ST3GAL1: variants seen among roughly 807,000 people sequenced by gnomAD.
ST3GAL1 encodes ST3 beta-galactoside alpha-2,3-sialyltransferase 1, also known as CMP-N-acetylneuraminate-beta-galactosamide-alpha-2,3-sialyltransferase 1.
In ST3GAL1, 16 loss-of-function variants were observed where a neutral mutation model predicts 34.1. That is an observed-to-expected ratio of 0.47 (90% CI 0.32 to 0.71). The LOEUF is 0.71. Among genes scored for constraint, ST3GAL1 ranks in the 30% least tolerant of loss-of-function variants. The pLI is 0.04. For missense variants in ST3GAL1, 353 were observed against 447.4 expected (o/e 0.79, Z 1.90); for synonymous variants, 191 against 184.7 (o/e 1.03, Z -0.28).
At chr8:133,536,624 G>C (rs72720270) in intron 2 of ST3GAL1, among the ~76,000 whole-genome samples, 3,265 of 152,288 alleles carry the variant, frequency 0.021, 61 homozygotes, top group Non-Finnish European at 0.033. Flanking sequence ...CCTGGCTCCT[G>C]TTCCTGCAGC....
chr8:133,505,911 A>C (rs1054676104), intron 2 of ST3GAL1, among the ~76,000 whole-genome samples: 1 of 152,200 alleles, frequency 6.6e-6, no homozygotes, highest in Non-Finnish European at 1.5e-5. Context: ...GCTATTTCTA[A>C]TTAAACTTAT....
At chr8:133,487,018 AC>A (rs1384479301) in intron 3 of ST3GAL1, among the ~76,000 whole-genome samples, 2 of 152,158 alleles carry the variant, frequency 1.3e-5, no homozygotes, top group African/African-American at 4.8e-5. Flanking sequence ...ATCTTGGCTC[AC>A]CATAACTTCT....
chr8:133,503,561 C>A (rs1817248007), intron 2 of ST3GAL1, among the ~76,000 whole-genome samples: 1 of 151,932 alleles, frequency 6.6e-6, no homozygotes. Flanking sequence ...TTAAGAAACT[C>A]CACCCTAGCT....
At chr8:133,515,990 G>C (rs1376391451) in intron 2 of ST3GAL1, among the ~76,000 whole-genome samples, 3 of 152,092 alleles carry the variant, frequency 2.0e-5, no homozygotes, top group Non-Finnish European at 4.4e-5. Flanking sequence ...AGGTAGCTGG[G>C]ACTACAGGTG....
chr8:133,533,629 T>C (rs1024815345), intron 2 of ST3GAL1, among the ~76,000 whole-genome samples: 2 of 152,210 alleles, frequency 1.3e-5, no homozygotes, highest in African/African-American at 2.4e-5. Flanking sequence ...ACAATCCCAC[T>C]GTGGCTGTAT....
rs146095200 is a variant in ST3GAL1, at chr8:133,538,344, A to G, written c.-429+7430T>C. 1.5e-3 allele frequency among the ~76,000 whole-genome samples: 223 copies of G among 152,236 alleles called. 1 individual carries two copies. The highest frequency in any genetic ancestry group is 5.1e-3 in the African/African-American group (212 of 41,540). ...GGCCTGGCCAACATGGCGAAACCCC[A>G]TCTCTACTACAAATATAAAAATTAG... On this transcript the variant is annotated intron_variant, in intron 2 of 9. Transcript: ENST00000522652.
intron 1 of ST3GAL1, among the ~76,000 whole-genome samples, chr8:133,562,781 C>G (rs1049700122): frequency 8.5e-6 from 1 of 117,664 alleles, no homozygotes; most frequent in African/African-American, 2.9e-5. Context: ...AAAAGGGTTT[C>G]TTTCTTTCTT....
chr8:133,562,838 C>T (rs1218235320), intron 1 of ST3GAL1, among the ~76,000 whole-genome samples: 2 of 102,602 alleles, frequency 1.9e-5, no homozygotes, highest in Non-Finnish European at 3.8e-5. Flanking sequence ...TCCTTCCTTC[C>T]TTCCTTTCTT....
chr8:133,528,151 G>A (rs1818033894), intron 2 of ST3GAL1, among the ~76,000 whole-genome samples: 1 of 152,038 alleles, frequency 6.6e-6, no homozygotes, highest in Non-Finnish European at 1.5e-5. Flanking sequence ...CTCCAGCCTG[G>A]TGACAGAGCG....
intron 1 of ST3GAL1, among the ~76,000 whole-genome samples, chr8:133,557,470 C>T (rs1413284614): frequency 1.3e-5 from 2 of 152,178 alleles, no homozygotes; most frequent in Non-Finnish European, 2.9e-5. Flanking sequence ...CAGTATCACC[C>T]CACGGGCTGG....
intron 3 of ST3GAL1, among the ~76,000 whole-genome samples, chr8:133,483,425 C>T (rs932400777): frequency 3.3e-5 from 5 of 152,162 alleles, no homozygotes; most frequent in African/African-American, 7.2e-5. Context: ...GCTCAGTTCC[C>T]GCCACAGAGT....
At chr8:133,557,458 G>A (rs1586668651) in intron 1 of ST3GAL1, among the ~76,000 whole-genome samples, 2 of 152,202 alleles carry the variant, frequency 1.3e-5, no homozygotes, top group South Asian at 2.1e-4. Context: ...TGCAGGCCTT[G>A]GCAGTATCAC....
intron 2 of ST3GAL1, among the ~76,000 whole-genome samples, chr8:133,531,814 GAAAAAAAAAAA>G (rs55909710): frequency 6.0e-5 from 6 of 99,876 alleles, no homozygotes; most frequent in Non-Finnish European, 1.0e-4. Context: ...CTTAAAAACA[GAAAAAAAAAAA>G]AAAAAAAAAA....
At chr8:133,484,812 A>G (rs1177764574) in intron 3 of ST3GAL1, among the ~76,000 whole-genome samples, 2 of 152,096 alleles carry the variant, frequency 1.3e-5, no homozygotes, top group African/African-American at 4.8e-5. Context: ...ATCCCCCTGA[A>G]GCTAAGGGGT....
At chr8:133,522,583 A>T (rs1219317334) in intron 2 of ST3GAL1, among the ~76,000 whole-genome samples, 1 of 152,162 alleles carries the variant, frequency 6.6e-6, no homozygotes, top group Non-Finnish European at 1.5e-5. Flanking sequence ...CCTGTACCCC[A>T]GCTGGTCCAG....
At chr8:133,539,248 G>C (rs1191196452) in intron 2 of ST3GAL1, among the ~76,000 whole-genome samples, 1 of 152,150 alleles carries the variant, frequency 6.6e-6, no homozygotes, top group Non-Finnish European at 1.5e-5. Context: ...CAAGCACAAG[G>C]ACTCAGAGGA....
intron 3 of ST3GAL1, among the ~76,000 whole-genome samples, chr8:133,487,088 T>G (rs1035472179): frequency 2.0e-5 from 3 of 152,264 alleles, no homozygotes; most frequent in Admixed American, 6.5e-5. Context: ...GGACTACAGA[T>G]GTGCACCATG....
chr8:133,460,786 G>T (rs556923058), intron 9 of ST3GAL1, among the ~76,000 whole-genome samples: 1 of 152,156 alleles, frequency 6.6e-6, no homozygotes, highest in Non-Finnish European at 1.5e-5. Flanking sequence ...TGGCATGTGA[G>T]TTGGGTCTTG....
At chr8:133,499,009 A>T (rs1229125633) in intron 3 of ST3GAL1, 126 bp downstream of exon 3, 1 of 152,274 alleles carries the variant, frequency 6.6e-6, no homozygotes, top group Non-Finnish European at 1.5e-5. Flanking sequence ...AATCTGTGTG[A>T]GTACCATCAA....
Sources: gnomAD v4.1 joint callset for allele counts (sites outside exome capture counted in the v4.1 genomes callset) on GRCh38, gnomAD v4.1.1 for gene constraint, MANE v1.5 for transcripts, NCBI Gene and HGNC (gene_info 2026-07-23, HGNC 2026-07-21) for gene names.